Variants in DNAH11 observed in about 807,000 individuals in gnomAD.
The protein encoded by DNAH11 is dynein axonemal heavy chain 11.
DNAH11 carries 442 observed loss-of-function variants against 526.0 expected under a neutral mutation model. The observed-to-expected ratio is 0.84, with a 90% CI of 0.78 to 0.91. DNAH11 has a LOEUF of 0.91. Among genes scored for constraint, DNAH11 ranks in the 40% least tolerant of loss-of-function variants. The pLI is 0.00. For missense variants in DNAH11, 6,989 were observed against 5,448.7 expected, an observed-to-expected ratio of 1.28 and a Z score of -8.90; for synonymous variants, 2,461 against 1,935.9, an observed-to-expected ratio of 1.27 and a Z score of -7.12.
At chr7:21,702,935 A>G (rs1784125103) in intron 37 of DNAH11, 133 bp downstream of exon 37, 1 of 762,506 alleles carries the variant, frequency 1.3e-6, no homozygotes, top group East Asian at 2.9e-5. Flanking sequence ...TAATGCAGGA[A>G]ATTTGAGGAT....
chr7:21,718,651 C>G (rs1443345479), intron 43 of DNAH11, among the ~76,000 whole-genome samples: 1 of 152,146 alleles, frequency 6.6e-6, no homozygotes, highest in Non-Finnish European at 1.5e-5. Context: ...TGATCTTCAT[C>G]TCAGCATGAA....
chr7:21,736,777 C>T (rs903165345), intron 46 of DNAH11, among the ~76,000 whole-genome samples: 6 of 152,078 alleles, frequency 3.9e-5, no homozygotes, highest in African/African-American at 1.4e-4. Flanking sequence ...TTGCTTGAGC[C>T]CAGGAGTTTG....
intron 54 of DNAH11, among the ~76,000 whole-genome samples, chr7:21,761,580 A>G (rs761434353): frequency 6.6e-6 from 1 of 152,152 alleles, no homozygotes; most frequent in Admixed American, 6.5e-5. Flanking sequence ...TGCTTAAAGC[A>G]CGCATTGCTG....
intron 61 of DNAH11, among the ~76,000 whole-genome samples, chr7:21,793,477 G>A (rs906220037): frequency 7.2e-5 from 11 of 152,154 alleles, no homozygotes; most frequent in African/African-American, 1.7e-4. Context: ...TTAGCTGGGC[G>A]TGGTGGCACG....
chr7:21,898,355 C>A (rs148899227), intron 79 of DNAH11, among the ~76,000 whole-genome samples: 1 of 152,256 alleles, frequency 6.6e-6, no homozygotes, highest in African/African-American at 2.4e-5. Context: ...TAAGTTTGAC[C>A]GTGAGCATTC....
intron 25 of DNAH11, among the ~76,000 whole-genome samples, chr7:21,623,771 C>T (rs1290413720): frequency 2.7e-5 from 4 of 145,996 alleles, no homozygotes; most frequent in African/African-American, 1.0e-4. Flanking sequence ...ACAATGAGAA[C>T]ACATGGACAC....
chr7:21,892,773 A>T, intron 77 of DNAH11, 106 bp downstream of exon 77: 1 of 1,268,748 alleles, frequency 7.9e-7, no homozygotes, highest in South Asian at 1.6e-5. Flanking sequence ...CCTAGGTTTT[A>T]CTCATACAAC....
chr7:21,564,345 C>A lies in DNAH11; in HGVS notation c.1142C>A (p.Pro381Gln). 2.5e-6 allele frequency: 4 copies of A among 1,613,502 alleles called. No individual in the cohort carries two copies. Among genetic ancestry groups the A allele is most frequent in the Non-Finnish European group, 2.5e-6 (3 of 1,179,702 alleles). ...IWSHSKFYNT[P>Q]ARVIVLLQEF... is the part of the protein sequence containing the mutation. ...AGTCATTCCAAGTTTTATAACACCCCAGCTCGGGTTATAGTTTTATTGCAA... is the reference window on the plus strand; with the variant it reads ...AGTCATTCCAAGTTTTATAACACCCAAGCTCGGGTTATAGTTTTATTGCAA... The change falls in exon 6 of 82, where the codon CCA (proline) becomes CAA (glutamine). Residue 381 changes from proline (P) to glutamine (Q), a missense_variant. Coordinates refer to ENST00000409508, the MANE Select transcript of DNAH11 (RefSeq NM_001277115.2).
intron 20 of DNAH11, among the ~76,000 whole-genome samples, chr7:21,611,724 A>T (rs550350670): frequency 6.6e-6 from 1 of 152,356 alleles, no homozygotes; most frequent in African/African-American, 2.4e-5. Context: ...ACTTCTCATT[A>T]GCAACAATCG....
chr7:21,722,380 G>A (rs764232121), intron 44 of DNAH11, among the ~76,000 whole-genome samples: 30 of 152,176 alleles, frequency 2.0e-4, no homozygotes, highest in Non-Finnish European at 4.4e-4. Flanking sequence ...ATTAAAAATA[G>A]ATAGCACACA....
chr7:21,569,433 A>G (rs1462440888), intron 6 of DNAH11, among the ~76,000 whole-genome samples: 1 of 152,192 alleles, frequency 6.6e-6, no homozygotes, highest in Non-Finnish European at 1.5e-5. Flanking sequence ...GGTTGATCCC[A>G]TGAGAATTTG....
chr7:21,578,004 T>C (rs1445542800), intron 8 of DNAH11, among the ~76,000 whole-genome samples: 7 of 152,270 alleles, frequency 4.6e-5, no homozygotes, highest in African/African-American at 1.7e-4. Context: ...TCCACAGACT[T>C]AACAGAAAGC....
rs776856263 is a variant in DNAH11 at position 21,748,573 on chromosome 7, T to G, written c.8511-7T>G. The G allele has an allele frequency of 4.0e-6, 6 of 1,508,410 alleles. No homozygotes were observed. The South Asian group carries it at 8.2e-5, about 21-fold the overall frequency. The allele number at this position is 1,508,410 out of a possible 1,614,324, so 93.4% of individuals were successfully genotyped here. ...TTTGTGCCATAATGGGCGCTTCCTT[T>G]CCTCAGGTGTCGCATCAGCCGGATC... On this transcript the variant is annotated splice_polypyrimidine_tract_variant and splice_region_variant and intron_variant, in intron 51 of 81. Transcript: ENST00000409508.
intron 69 of DNAH11, 23 bp downstream of exon 69, chr7:21,862,046 A>G: frequency 6.3e-7 from 1 of 1,596,162 alleles, no homozygotes; most frequent in East Asian, 2.3e-5. Flanking sequence ...GTTACTTGAA[A>G]AAGGATCCCC....
chr7:21,567,702 C>G (rs1783725671), intron 6 of DNAH11, among the ~76,000 whole-genome samples: 1 of 152,230 alleles, frequency 6.6e-6, no homozygotes, highest in Non-Finnish European at 1.5e-5. Flanking sequence ...ATGCTTGACC[C>G]TATGACGGGA....
chr7:21,574,867 C>CT (rs869117425), intron 8 of DNAH11, among the ~76,000 whole-genome samples: 434 of 42,860 alleles, frequency 0.01, 95 homozygotes, highest in African/African-American at 0.024. Context: ...CTGCACTGGG[C>CT]TTTTTTTTTT....
At chr7:21,547,412 C>A (rs1294422902) in intron 2 of DNAH11, among the ~76,000 whole-genome samples, 1 of 152,196 alleles carries the variant, frequency 6.6e-6, no homozygotes, top group African/African-American at 2.4e-5. Flanking sequence ...CTTGCAAGAT[C>A]GGGTGTTTAG....
At chr7:21,721,846 T>G (rs1053466377) in intron 44 of DNAH11, among the ~76,000 whole-genome samples, 10 of 152,192 alleles carry the variant, frequency 6.6e-5, no homozygotes, top group Non-Finnish European at 1.3e-4. Context: ...CAGTCCCTCT[T>G]ACTTCTAACC....
intron 62 of DNAH11, among the ~76,000 whole-genome samples, chr7:21,805,585 T>G (rs1395970367): frequency 6.6e-6 from 1 of 152,160 alleles, no homozygotes; most frequent in Non-Finnish European, 1.5e-5. Context: ...TTTGAAGAGT[T>G]CTCCATTTGT....
Sources: gnomAD v4.1 joint callset for allele counts (sites outside exome capture counted in the v4.1 genomes callset) on GRCh38, gnomAD v4.1.1 for gene constraint, MANE v1.5 for transcripts, NCBI Gene and HGNC (gene_info 2026-07-23, HGNC 2026-07-21) for gene names.